The following ARHGAP8 variants were observed in gnomAD, a reference collection of about 807,000 sequenced individuals.
The protein encoded by ARHGAP8 is Rho GTPase activating protein 8, also known as rho GTPase-activating protein 8.
A neutral mutation model predicts 46.1 loss-of-function variants in ARHGAP8; 62 were observed. The observed-to-expected ratio is 1.34, with a 90% CI of 1.10 to 1.66. ARHGAP8 has a LOEUF of 1.66. Among genes scored for constraint, ARHGAP8 ranks in the 40% most tolerant of loss-of-function variants. The pLI, the probability that ARHGAP8 is intolerant of heterozygous loss-of-function variation, is 0.00. For missense variants in ARHGAP8, 923 were observed against 568.4 expected, an observed-to-expected ratio of 1.62 and a Z score of -6.34; for synonymous variants, 375 against 243.1, an observed-to-expected ratio of 1.54 and a Z score of -5.05.
At chr22:44,802,583 G>T (rs1928634863) in intron 3 of ARHGAP8, among the ~76,000 whole-genome samples, 1 of 152,148 alleles carries the variant, frequency 6.6e-6, no homozygotes, top group Non-Finnish European at 1.5e-5. Context: ...GTTTCCTGTA[G>T]TGGCCATAAC....
At chr22:44,809,557 C>G (rs1929191837) in intron 4 of ARHGAP8, 1 of 228,990 alleles carries the variant, frequency 4.4e-6, no homozygotes, top group South Asian at 5.6e-5. Context: ...GAGCAAGTGA[C>G]TTACCCGTGG....
At chr22:44,838,860 A>G (rs374336148) in intron 7 of ARHGAP8, among the ~76,000 whole-genome samples, 12 of 152,252 alleles carry the variant, frequency 7.9e-5, no homozygotes, top group African/African-American at 2.4e-4. Flanking sequence ...CATTGGGACA[A>G]TTTTCGTCAG....
At chr22:44,813,790 C>CACTT (rs57950304) in intron 4 of ARHGAP8, among the ~76,000 whole-genome samples, 52,914 of 151,592 alleles carry the variant, frequency 0.35, 9,557 homozygotes, top group East Asian at 0.51. Flanking sequence ...CACCTACACA[C>CACTT]ACATACAATT....
intron 7 of ARHGAP8, among the ~76,000 whole-genome samples, chr22:44,841,622 A>T (rs1255575700): frequency 6.6e-6 from 1 of 152,210 alleles, no homozygotes; most frequent in Non-Finnish European, 1.5e-5. Flanking sequence ...CTGGGCTGCA[A>T]CATGTTTCTT....
chr22:44,768,925 C>T (rs1319247550), intron 1 of ARHGAP8, among the ~76,000 whole-genome samples: 1 of 151,662 alleles, frequency 6.6e-6, no homozygotes, highest in Non-Finnish European at 1.5e-5. Context: ...ACCCGCTTCT[C>T]CTGGGCCCAA....
rs564790404 is a variant in ARHGAP8 at position 44,805,286 on chromosome 22, G to T, written c.168-3021G>T. Reference sequence around the variant, plus strand: ...TGCAAAGACAGAAAGCGAATTGGTGGTTGCCGGGTACCGGGAGTGTGATGG... The same window carrying T: ...TGCAAAGACAGAAAGCGAATTGGTGTTTGCCGGGTACCGGGAGTGTGATGG... On this transcript the variant is annotated intron_variant, in intron 3 of 11. Transcript: ENST00000356099. Among the ~76,000 whole-genome samples the T allele has an allele frequency of 1.9e-4, 29 of 152,354 alleles. 1 individual carries two copies. The highest frequency in any genetic ancestry group is 1.7e-3 in the South Asian group (8 of 4,830).
At chr22:44,802,269 C>T in intron 3 of ARHGAP8, 105 bp downstream of exon 3, 1 of 1,395,626 alleles carries the variant, frequency 7.2e-7, no homozygotes, top group Non-Finnish European at 9.8e-7. Context: ...TCTGGGGCCT[C>T]CTTTGTGACC....
At chr22:44,861,286 T>G (rs187445969) in intron 11 of ARHGAP8, among the ~76,000 whole-genome samples, 186 of 152,318 alleles carry the variant, frequency 1.2e-3, no homozygotes, top group African/African-American at 4.4e-3. Context: ...TTCTTTTTCA[T>G]TAGGAGAGAC....
chr22:44,767,846 C>T (rs1279869207), intron 1 of ARHGAP8, among the ~76,000 whole-genome samples: 1 of 146,922 alleles, frequency 6.8e-6, no homozygotes, highest in South Asian at 2.3e-4. Flanking sequence ...GCACTCCAGC[C>T]TGGGCGACAG....
intron 1 of ARHGAP8, among the ~76,000 whole-genome samples, chr22:44,777,845 G>A (rs796791979): frequency 3.9e-5 from 6 of 151,968 alleles, no homozygotes; most frequent in Admixed American, 6.6e-5. Context: ...ACAGGTGTCC[G>A]CCACCATGCC....
At chr22:44,805,851 C>A (rs1485041006) in intron 3 of ARHGAP8, among the ~76,000 whole-genome samples, 1 of 152,216 alleles carries the variant, frequency 6.6e-6, no homozygotes, top group Admixed American at 6.5e-5. Flanking sequence ...ATGCATGCTC[C>A]TATTTTTGAA....
intron 1 of ARHGAP8, among the ~76,000 whole-genome samples, chr22:44,761,632 G>A (rs1925139588): frequency 2.0e-5 from 3 of 152,236 alleles, no homozygotes; most frequent in Admixed American, 1.3e-4. Flanking sequence ...CTGGTTGAGA[G>A]CTATGAGTAA....
At chr22:44,820,255 C>A (rs1377583286) in intron 5 of ARHGAP8, among the ~76,000 whole-genome samples, 1 of 152,146 alleles carries the variant, frequency 6.6e-6, no homozygotes, top group Non-Finnish European at 1.5e-5. Context: ...TGCACCTGTC[C>A]CAGAGTCCGT....
intron 11 of ARHGAP8, among the ~76,000 whole-genome samples, chr22:44,861,176 T>G (rs1057147463): frequency 6.6e-6 from 1 of 152,162 alleles, no homozygotes; most frequent in Admixed American, 6.5e-5. Flanking sequence ...TTCGTCACAT[T>G]GGCCAGGCTG....
intron 1 of ARHGAP8, among the ~76,000 whole-genome samples, chr22:44,759,083 G>A (rs1924918554): frequency 6.6e-6 from 1 of 152,230 alleles, no homozygotes; most frequent in African/African-American, 2.4e-5. Flanking sequence ...GAGGTGGATG[G>A]TGGGGTGACC....
chr22:44,780,044 G>A (rs992583492), intron 1 of ARHGAP8, among the ~76,000 whole-genome samples: 2 of 152,220 alleles, frequency 1.3e-5, no homozygotes, highest in African/African-American at 2.4e-5. Flanking sequence ...CATCTGCCAG[G>A]TGAGCGTGTC....
At chr22:44,861,738 G>C (rs528918882) in intron 11 of ARHGAP8, among the ~76,000 whole-genome samples, 1 of 152,134 alleles carries the variant, frequency 6.6e-6, no homozygotes, top group Non-Finnish European at 1.5e-5. Context: ...TACCTTCCAG[G>C]CCCCAGATTC....
chr22:44,756,078 C>T (rs1013551075), intron 1 of ARHGAP8, among the ~76,000 whole-genome samples: 1 of 111,838 alleles, frequency 8.9e-6, no homozygotes, highest in African/African-American at 3.0e-5. Flanking sequence ...AGAGCCTGCT[C>T]CTTCCACGCT....
intron 4 of ARHGAP8, among the ~76,000 whole-genome samples, chr22:44,811,696 G>T (rs995192402): frequency 2.6e-5 from 4 of 152,158 alleles, no homozygotes; most frequent in African/African-American, 9.7e-5. Context: ...ATCGCTAGAG[G>T]TATGCGAGTG....
Sources: allele counts gnomAD v4.1 joint callset (sites outside exome capture counted in the v4.1 genomes callset), GRCh38; gene constraint gnomAD v4.1.1; transcripts MANE v1.5; gene names NCBI Gene and HGNC (gene_info 2026-07-23, HGNC 2026-07-21).